Variants in GALNTL6 observed in about 807,000 individuals in gnomAD.
GALNTL6 encodes the protein polypeptide N-acetylgalactosaminyltransferase like 6.
A neutral mutation model predicts 73.7 loss-of-function variants in GALNTL6; 46 were observed. The observed-to-expected ratio is 0.62, with a 90% CI of 0.49 to 0.80. The LOEUF (loss-of-function observed/expected upper bound fraction) is 0.80, where lower values mean the gene tolerates loss of function less well. Ranked by LOEUF, GALNTL6 falls within the 30% of genes least tolerant of loss-of-function variation. The pLI, the probability that GALNTL6 is intolerant of heterozygous loss-of-function variation, is 0.00. For missense variants in GALNTL6, 604 were observed against 755.0 expected, an observed-to-expected ratio of 0.80 and a Z score of 2.34; for synonymous variants, 259 against 263.7, an observed-to-expected ratio of 0.98 and a Z score of 0.17.
At chr4:171,821,640 GATATAT>G (rs3080305) in intron 2 of GALNTL6, among the ~76,000 whole-genome samples, 41 of 146,272 alleles carry the variant, frequency 2.8e-4, no homozygotes, top group African/African-American at 8.4e-4. Context: ...AGGCTTAACG[GATATAT>G]ATATATATAT....
chr4:172,531,403 A>C (rs1579160136), intron 5 of GALNTL6, among the ~76,000 whole-genome samples: 1 of 152,284 alleles, frequency 6.6e-6, no homozygotes, highest in South Asian at 2.1e-4. Context: ...ATTTTATATC[A>C]CTTGTCCTAC....
chr4:171,862,123 A>T (rs1369802382), intron 2 of GALNTL6, among the ~76,000 whole-genome samples: 1 of 152,144 alleles, frequency 6.6e-6, no homozygotes, highest in Admixed American at 6.5e-5. Flanking sequence ...AGATTTTTCC[A>T]TTGCAATTCA....
chr4:172,172,347 G>A (rs181228279), intron 2 of GALNTL6, among the ~76,000 whole-genome samples: 8 of 152,012 alleles, frequency 5.3e-5, no homozygotes, highest in Non-Finnish European at 7.4e-5. Flanking sequence ...ACAGGCACTC[G>A]CCACCATGCC....
At chr4:172,712,449 C>T (rs192733192) in intron 5 of GALNTL6, among the ~76,000 whole-genome samples, 2 of 152,100 alleles carry the variant, frequency 1.3e-5, no homozygotes, top group Non-Finnish European at 2.9e-5. Context: ...CCACTCCCCC[C>T]ACCTCACAAC....
At chr4:172,794,940 G>A (rs909669498) in intron 5 of GALNTL6, among the ~76,000 whole-genome samples, 15 of 152,172 alleles carry the variant, frequency 9.9e-5, no homozygotes, top group African/African-American at 3.6e-4. Flanking sequence ...AAAGGCAAAT[G>A]ATCATTCAGA....
At chr4:172,527,890 A>T (rs1056494743) in intron 5 of GALNTL6, among the ~76,000 whole-genome samples, 2 of 152,186 alleles carry the variant, frequency 1.3e-5, no homozygotes, top group Admixed American at 1.3e-4. Flanking sequence ...TATCTCTATC[A>T]TTAATAGTTT....
chr4:171,924,588 A>C (rs1737916415), intron 2 of GALNTL6, among the ~76,000 whole-genome samples: 1 of 152,184 alleles, frequency 6.6e-6, no homozygotes, highest in Non-Finnish European at 1.5e-5. Flanking sequence ...TTTGACTCTG[A>C]GTTCTGGAAA....
intron 5 of GALNTL6, among the ~76,000 whole-genome samples, chr4:172,610,943 C>A (rs1374807247): frequency 6.6e-6 from 1 of 151,896 alleles, no homozygotes; most frequent in Non-Finnish European, 1.5e-5. Context: ...TATGTAATGG[C>A]CTTGTCTTTT....
At chr4:172,590,337 G>A (rs374867854) in intron 5 of GALNTL6, among the ~76,000 whole-genome samples, 1 of 152,056 alleles carries the variant, frequency 6.6e-6, no homozygotes, top group South Asian at 2.1e-4. Context: ...GGAACCTCAG[G>A]AAAGTGAATC....
rs546264129 is a variant in GALNTL6, at chr4:172,774,731, C to T, written c.554-34630C>T. Among the ~76,000 whole-genome samples the T allele has an allele frequency of 2.8e-4, 42 of 152,022 alleles. 1 individual carries two copies. In the South Asian group the frequency reaches 6.0e-3, roughly 22 times the overall value. On this transcript the variant is annotated intron_variant, in intron 5 of 12. Coordinates refer to ENST00000506823, the MANE Select transcript of GALNTL6 (RefSeq NM_001034845.3). ...TCCCAGCATTTTGGGAGGCCAAGGC[C>T]GGTGGATTGTCTAAGCTCAGGAGTT...
intron 2 of GALNTL6, among the ~76,000 whole-genome samples, chr4:172,199,320 G>GA (rs1735880532): frequency 1.3e-5 from 2 of 152,002 alleles, no homozygotes; most frequent in Non-Finnish European, 2.9e-5. Context: ...GTGATTATCT[G>GA]ACAAAAAGAC....
chr4:171,816,720 T>C (rs1453470994), intron 2 of GALNTL6, among the ~76,000 whole-genome samples: 2 of 151,996 alleles, frequency 1.3e-5, no homozygotes, highest in Admixed American at 1.3e-4. Flanking sequence ...TAAAAATTAA[T>C]TGATTACTTA....
intron 4 of GALNTL6, among the ~76,000 whole-genome samples, chr4:172,316,370 A>G (rs577735925): frequency 6.6e-5 from 10 of 152,354 alleles, no homozygotes; most frequent in Middle Eastern, 3.4e-3. Context: ...AAGGTGGCTG[A>G]GTAGCTGGGA....
rs10669113 is a variant in GALNTL6 at position 172,497,991 on chromosome 4, C to CTTTTTTTTTTTTTTT, written c.553+149312_553+149313insTTTTTTTTTTTTTTT. Among the ~76,000 whole-genome samples, 5 of 104,586 alleles carry CTTTTTTTTTTTTTTT rather than the reference C, an allele frequency of 4.8e-5. 2 individuals carry two copies. The highest frequency in any genetic ancestry group is 5.6e-5 in the Non-Finnish European group (3 of 54,034). 68.6% of individuals were successfully genotyped at this position (104,586 alleles called of 152,430 possible). A position where few individuals can be genotyped will look rare whatever the true frequency, so the allele number is the denominator to read the frequency against. ...ACAGACTTTGGGGAATGTCACATTT[C>CTTTTTTTTTTTTTTT]TTTTTTTTTTGTTTTTTTGAGATGG... On this transcript the variant is annotated intron_variant, in intron 5 of 12. Coordinates refer to ENST00000506823, the MANE Select transcript of GALNTL6 (RefSeq NM_001034845.3).
At chr4:172,133,083 C>G (rs545953256) in intron 2 of GALNTL6, among the ~76,000 whole-genome samples, 1 of 152,098 alleles carries the variant, frequency 6.6e-6, no homozygotes, top group Admixed American at 6.5e-5. Context: ...ACTAATGAAC[C>G]AAGCAAACAA....
At chr4:171,968,340 A>G (rs1029182440) in intron 2 of GALNTL6, among the ~76,000 whole-genome samples, 3 of 152,152 alleles carry the variant, frequency 2.0e-5, no homozygotes, top group Admixed American at 6.5e-5. Context: ...GGGGGTTCCA[A>G]GGGAAAAACC....
chr4:172,348,304 G>A (rs1578980957), intron 4 of GALNTL6, among the ~76,000 whole-genome samples: 1 of 152,252 alleles, frequency 6.6e-6, no homozygotes, highest in Non-Finnish European at 1.5e-5. Flanking sequence ...TGATACCAGA[G>A]GATAAAACAG....
chr4:172,001,624 G>A (rs1740674427), intron 2 of GALNTL6, among the ~76,000 whole-genome samples: 1 of 152,110 alleles, frequency 6.6e-6, no homozygotes, highest in African/African-American at 2.4e-5. Context: ...ATCAAAAGCA[G>A]AGGCATGGTA....
chr4:172,807,281 G>T, intron 5 of GALNTL6, among the ~76,000 whole-genome samples: 1 of 152,192 alleles, frequency 6.6e-6, no homozygotes, highest in East Asian at 1.9e-4. Flanking sequence ...ACTCATATTT[G>T]TTAGTCTGTG....
Sources: allele counts gnomAD v4.1 joint callset (sites outside exome capture counted in the v4.1 genomes callset), GRCh38; gene constraint gnomAD v4.1.1; transcripts MANE v1.5; gene names NCBI Gene and HGNC (gene_info 2026-07-23, HGNC 2026-07-21).